NTM: variants seen among roughly 807,000 people sequenced by gnomAD.
NTM encodes the protein IgLON family member 2.
Under a neutral mutation model 42.1 loss-of-function variants are expected in NTM, and 13 were observed. The observed-to-expected ratio is 0.31, with a 90% confidence interval of 0.20 to 0.49. The LOEUF (loss-of-function observed/expected upper bound fraction) is 0.49. Ranked by LOEUF, NTM falls within the 20% of genes least tolerant of loss-of-function variation. The pLI is 0.99. For synonymous variants in NTM, 187 were observed against 179.2 expected (o/e 1.04, Z -0.35); for missense variants, 373 against 452.8 (o/e 0.82, Z 1.60).
chr11:132,167,729 G>A (rs565839298), intron 3 of NTM, among the ~76,000 whole-genome samples: 20 of 152,262 alleles, frequency 1.3e-4, no homozygotes, highest in African/African-American at 4.6e-4. Context: ...TAGTTCCAAT[G>A]ACAGGAAACA....
intron 1 of NTM, among the ~76,000 whole-genome samples, chr11:131,441,573 G>T (rs1949628872): frequency 6.6e-6 from 1 of 152,178 alleles, no homozygotes; most frequent in South Asian, 2.1e-4. Context: ...TCCTCCATCT[G>T]TTACTGCTGT....
At chr11:131,980,640 T>C (rs1347205839) in intron 2 of NTM, among the ~76,000 whole-genome samples, 1 of 152,240 alleles carries the variant, frequency 6.6e-6, no homozygotes, top group East Asian at 1.9e-4. Context: ...AATTCATATA[T>C]TCTTTCATTC....
At chr11:131,604,215 C>A (rs549418144) in intron 1 of NTM, among the ~76,000 whole-genome samples, 1 of 152,124 alleles carries the variant, frequency 6.6e-6, no homozygotes, top group Non-Finnish European at 1.5e-5. Context: ...TTTACTATAA[C>A]CTTCCTCGTG....
intron 2 of NTM, among the ~76,000 whole-genome samples, chr11:131,914,917 G>A (rs1000436755): frequency 1.3e-5 from 2 of 152,178 alleles, no homozygotes; most frequent in African/African-American, 2.4e-5. Context: ...TATGGTGTAG[G>A]AGTTACTATT....
chr11:131,734,564 G>A lies in NTM; in HGVS notation c.83-177000G>A, dbSNP rs182551669. ...GGGTGAGCCTCATCACTGGCAGGAC[G>A]CAGTCAAGAATGCCTGCTTCCACCC... On this transcript the variant is annotated intron_variant, in intron 1 of 8. Transcript: ENST00000683400. 1.3e-3 allele frequency among the ~76,000 whole-genome samples: 203 copies of A among 152,216 alleles called. 1 individual carries two copies. Among genetic ancestry groups the A allele is most frequent in the African/African-American group, 4.5e-3 (189 of 41,542 alleles).
rs1440166724 is a variant in NTM, at chr11:131,874,029, TAATATATATA to T, written c.83-37534_83-37525del. ...TATAATATATTTATATAATATAATA[TAATATATATA>T]TATATATATATATATATATATATAT... On this transcript the variant is annotated intron_variant, in intron 1 of 8. Transcript: ENST00000683400. 1.0e-3 allele frequency among the ~76,000 whole-genome samples: 52 copies of T among 50,950 alleles called. 3 individuals carry two copies. The highest frequency in any genetic ancestry group is 2.6e-3 in the Admixed American group (6 of 2,336). 33.4% of individuals were successfully genotyped at this position (50,950 alleles called of 152,430 possible).
intron 1 of NTM, among the ~76,000 whole-genome samples, chr11:131,575,592 C>T (rs765088173): frequency 3.3e-5 from 5 of 152,184 alleles, no homozygotes; most frequent in African/African-American, 7.2e-5. Context: ...TTGAGATGAC[C>T]GAATGGGAAT....
chr11:132,048,105 A>T (rs186473608), intron 2 of NTM, among the ~76,000 whole-genome samples: 1 of 152,036 alleles, frequency 6.6e-6, no homozygotes, highest in African/African-American at 2.4e-5. Flanking sequence ...AGAAGAGACC[A>T]TTCCTTTTTT....
At chr11:131,421,292 C>T (rs904038533) in intron 1 of NTM, among the ~76,000 whole-genome samples, 6 of 152,138 alleles carry the variant, frequency 3.9e-5, no homozygotes, top group African/African-American at 1.2e-4. Flanking sequence ...TTCTGTGAAG[C>T]GACAGGGTTC....
intron 1 of NTM, among the ~76,000 whole-genome samples, chr11:131,770,185 GC>G (rs2085823907): frequency 6.6e-6 from 1 of 152,202 alleles, no homozygotes; most frequent in Non-Finnish European, 1.5e-5. Flanking sequence ...TAACCAGGTA[GC>G]AGGATTCTAG....
At chr11:131,590,094 A>C (rs186035560) in intron 1 of NTM, among the ~76,000 whole-genome samples, 2 of 152,256 alleles carry the variant, frequency 1.3e-5, no homozygotes, top group African/African-American at 4.8e-5. Context: ...TATTTTGATC[A>C]ATCTCTTCCC....
At chr11:131,779,089 C>T (rs919931395) in intron 1 of NTM, among the ~76,000 whole-genome samples, 1 of 152,222 alleles carries the variant, frequency 6.6e-6, no homozygotes, top group Admixed American at 6.5e-5. Flanking sequence ...ACAACCACAT[C>T]ACAGTAAGCA....
intron 1 of NTM, among the ~76,000 whole-genome samples, chr11:131,579,102 T>A (rs1282609716): frequency 1.3e-5 from 2 of 152,176 alleles, no homozygotes; most frequent in African/African-American, 4.8e-5. Context: ...TTAAATCTCT[T>A]GTGTTTGAGA....
At chr11:131,395,388 A>T (rs1228017643) in intron 1 of NTM, among the ~76,000 whole-genome samples, 1 of 152,196 alleles carries the variant, frequency 6.6e-6, no homozygotes, top group Non-Finnish European at 1.5e-5. Flanking sequence ...TTTATCATTT[A>T]TCTCATTCCC....
intron 3 of NTM, among the ~76,000 whole-genome samples, chr11:132,210,148 G>A (rs553621467): frequency 3.3e-5 from 5 of 152,292 alleles, no homozygotes; most frequent in Non-Finnish European, 5.9e-5. Context: ...CGGCAGGCCC[G>A]ATCACATTGT....
chr11:132,327,225 T>G (rs771586348), intron 7 of NTM, among the ~76,000 whole-genome samples: 30 of 152,226 alleles, frequency 2.0e-4, no homozygotes, highest in Non-Finnish European at 3.7e-4. Context: ...AGCGGCTCCG[T>G]GGCTGTTCAT....
intron 1 of NTM, among the ~76,000 whole-genome samples, chr11:131,614,168 C>A (rs544708859): frequency 6.6e-6 from 1 of 152,286 alleles, no homozygotes; most frequent in East Asian, 1.9e-4. Flanking sequence ...GGAGCTGCCT[C>A]CCTCAGCGGG....
At chr11:131,578,279 C>T (rs1187779280) in intron 1 of NTM, among the ~76,000 whole-genome samples, 5 of 152,096 alleles carry the variant, frequency 3.3e-5, no homozygotes, top group Non-Finnish European at 7.4e-5. Flanking sequence ...TAATTAGGTC[C>T]CCCAAGCAAA....
intron 2 of NTM, among the ~76,000 whole-genome samples, chr11:131,948,006 C>T (rs934123720): frequency 6.6e-6 from 1 of 152,066 alleles, no homozygotes; most frequent in African/African-American, 2.4e-5. Flanking sequence ...ATGGTCCATG[C>T]AATGCTATCT....
Sources: gnomAD v4.1 joint callset for allele counts (sites outside exome capture counted in the v4.1 genomes callset) on GRCh38, gnomAD v4.1.1 for gene constraint, MANE v1.5 for transcripts, NCBI Gene and HGNC (gene_info 2026-07-23, HGNC 2026-07-21) for gene names.